The following NCR1 variants were observed in gnomAD, a reference collection of about 807,000 sequenced individuals.
NCR1 encodes natural cytotoxicity triggering receptor 1.
NCR1 carries 30 observed loss-of-function variants against 32.5 expected under a neutral mutation model. The observed-to-expected ratio is 0.92, with a 90% CI of 0.69 to 1.25. The LOEUF (loss-of-function observed/expected upper bound fraction) is 1.25. NCR1 is among the 50% of genes most tolerant of loss of function. The pLI is 0.00. For synonymous variants in NCR1, 169 were observed against 143.4 expected (o/e 1.18, Z -1.28); for missense variants, 369 against 380.7 (o/e 0.97, Z 0.26).
chr19:54,912,386 C>T (rs543468140), intron 6 of NCR1, among the ~76,000 whole-genome samples, 168 bp downstream of exon 6: 33 of 151,542 alleles, frequency 2.2e-4, no homozygotes, highest in African/African-American at 7.5e-4. Flanking sequence ...CATCTGAGGT[C>T]GGGAGTTCAA....
the NCR1 span, chr19:54,938,189 G>T: frequency 6.2e-7 from 1 of 1,614,082 alleles, no homozygotes; most frequent in East Asian, 2.2e-5. Flanking sequence ...GTCCAGAGGC[G>T]AAGAGAGCGA....
chr19:54,918,162 G>C (rs530714467), downstream of NCR1, among the ~76,000 whole-genome samples: 74 of 152,010 alleles, frequency 4.9e-4, no homozygotes, highest in South Asian at 0.013. Flanking sequence ...GTCTCGATCT[G>C]ACCTCGTGAT....
the NCR1 span, among the ~76,000 whole-genome samples, chr19:54,934,830 C>A: frequency 6.6e-6 from 1 of 152,072 alleles, no homozygotes; most frequent in Admixed American, 6.6e-5. The surrounding 1 kb of genome is among the most constrained non-coding windows in gnomAD (Gnocchi z 6.7). Context: ...CTGCCTCAGC[C>A]TCCGAAGTAG....
At chr19:54,931,341 AAGATC>A in the NCR1 span, among the ~76,000 whole-genome samples, 2 of 151,702 alleles carry the variant, frequency 1.3e-5, no homozygotes, top group African/African-American at 4.8e-5. Flanking sequence ...GGTGAATCAC[AAGATC>A]AGGAGTTCAA....
rs201331285 is a variant in NCR1, at chr19:54,906,791, G to A, written c.339G>A (p.Leu113=). 23 of 1,614,170 alleles carry A rather than the reference G, an allele frequency of 1.4e-5. No individual in the cohort carries two copies. The Middle Eastern group carries it at 6.6e-4, about 46-fold the overall frequency. ...GELWSEPSNL[L]DLVVTEMYDT... Reference sequence around the variant, plus strand: ...TCTGGTCAGAGCCCAGCAACTTGCTGGATCTGGTGGTAACAGGTAACTGTC... The same window carrying A: ...TCTGGTCAGAGCCCAGCAACTTGCTAGATCTGGTGGTAACAGGTAACTGTC... The change falls in exon 3 of 7, where the codon CTG becomes CTA. Residue 113 remains leucine (L), a synonymous_variant. Coordinates refer to ENST00000291890, the MANE Select transcript of NCR1 (RefSeq NM_004829.7).
At position 54,906,800 on chromosome 19, in the gene NCR1, G is replaced by A. The variant is rs1027474558; in HGVS notation, c.348G>A (p.Val116=). ...AGCCCAGCAACTTGCTGGATCTGGT[G>A]GTAACAGGTAACTGTCCGGTTCTCT... is the stretch of plus-strand genomic sequence containing the variant. ...WSEPSNLLDL[V]VTEMYDTPTL... is the part of the protein sequence containing the mutation. Residue 116 remains valine (V), a synonymous_variant, in exon 3 of 7, where the codon GTG becomes GTA. Coordinates refer to ENST00000291890, the MANE Select transcript of NCR1 (RefSeq NM_004829.7). 1.2e-6 allele frequency: 2 copies of A among 1,614,000 alleles called. No homozygotes were observed. Among genetic ancestry groups the A allele is most frequent in the Admixed American group, 3.3e-5 (2 of 60,016 alleles).
chr19:54,921,160 A>G, the NCR1 span, among the ~76,000 whole-genome samples: 1 of 152,134 alleles, frequency 6.6e-6, no homozygotes, highest in Non-Finnish European at 1.5e-5. Context: ...CTACACGGGA[A>G]CTTCATGTGC....
At chr19:54,902,187 A>G (rs927888077), upstream of NCR1, among the ~76,000 whole-genome samples, 4 of 152,206 alleles carry the variant, frequency 2.6e-5, no homozygotes, top group African/African-American at 4.8e-5. Flanking sequence ...TTAGGGCATC[A>G]TATGCAAATT....
the NCR1 span, among the ~76,000 whole-genome samples, chr19:54,930,094 A>C: frequency 7.0e-6 from 1 of 143,120 alleles, no homozygotes; most frequent in South Asian, 2.3e-4. Flanking sequence ...CAGCCTGGGC[A>C]ACTAGAACGA....
the NCR1 span, among the ~76,000 whole-genome samples, chr19:54,899,050 G>T: frequency 2.6e-5 from 4 of 152,112 alleles, no homozygotes; most frequent in Admixed American, 6.6e-5. Context: ...TGGGACTGAC[G>T]GGACAGGCGG....
downstream of NCR1, among the ~76,000 whole-genome samples, chr19:54,916,935 C>A (rs2068148736): frequency 1.3e-5 from 2 of 151,956 alleles, no homozygotes; most frequent in South Asian, 4.2e-4. Flanking sequence ...CTGTGCTCCC[C>A]ACCCGCTAGA....
At chr19:54,901,304 A>T (rs77046104), upstream of NCR1, among the ~76,000 whole-genome samples, 2 of 141,792 alleles carry the variant, frequency 1.4e-5, no homozygotes, top group Admixed American at 7.2e-5. Flanking sequence ...GAGCTTGCAG[A>T]GAGCCGAGAT....
Position 54,909,438 on chromosome 19 carries a change from C to T in NCR1, c.549C>T (p.Ala183=). 1 of 1,613,404 alleles carries T rather than the reference C, an allele frequency of 6.2e-7. No individual in the cohort carries two copies. Among genetic ancestry groups the T allele is most frequent in the Non-Finnish European group, 8.5e-7 (1 of 1,180,024 alleles). The change falls in exon 4 of 7, where the codon GCC becomes GCT. Residue 183 remains alanine, a synonymous_variant. Transcript: ENST00000291890. ...AEFPLGPVTT[A]HRGTYRCFGS... is the part of the protein sequence containing the mutation. ...TCCCCCTGGGCCCTGTGACCACAGC[C>T]CACAGAGGGACATACCGATGTTTTG... is the stretch of plus-strand genomic sequence containing the variant.
chr19:54,903,677 A>G (rs1287721694), upstream of NCR1, among the ~76,000 whole-genome samples: 4 of 134,040 alleles, frequency 3.0e-5, no homozygotes, highest in African/African-American at 1.1e-4. Context: ...ACATATATGT[A>G]TAAATGTATA....
At position 54,906,324 on chromosome 19, in the gene NCR1, C is replaced by G; in HGVS notation, c.60C>G (p.Ser20Arg). The change falls in exon 2 of 7, where the codon AGC (serine) becomes AGG (arginine). Residue 20 changes from serine (S) to arginine (R), a missense_variant. Coordinates refer to ENST00000291890, the MANE Select transcript of NCR1 (RefSeq NM_004829.7). Reference protein sequence around the residue: ...CVGLCLSQRISAQQQTLPKPF... With the variant: ...CVGLCLSQRIRAQQQTLPKPF... The stretch of plus-strand genomic sequence containing the variant: ...GGCTGTGTCTGAGTCAGAGGATCAG[C>G]GCCCAGCAGCGTGAGTCCTTCCTTC... 6.2e-7 allele frequency: 1 copy of G among 1,613,816 alleles called. No individual in the cohort carries two copies. Among genetic ancestry groups the G allele is most frequent in the Non-Finnish European group, 8.5e-7 (1 of 1,180,028 alleles).
chr19:54,931,844 T>TA, the NCR1 span, among the ~76,000 whole-genome samples: 3,581 of 108,318 alleles, frequency 0.033, 74 homozygotes, highest in African/African-American at 0.083. Context: ...GAGAGACTGT[T>TA]AAAAAAAAAA....
intron 5 of NCR1, among the ~76,000 whole-genome samples, chr19:54,911,229 G>T (rs587745608): frequency 6.6e-6 from 1 of 151,700 alleles, no homozygotes; most frequent in East Asian, 2.0e-4. Flanking sequence ...GGCGCCTGTA[G>T]TCCCAGCTAC....
the NCR1 span, among the ~76,000 whole-genome samples, chr19:54,898,632 TGAGAATA>T: frequency 2.0e-5 from 3 of 152,132 alleles, no homozygotes; most frequent in African/African-American, 7.2e-5. Context: ...AAATGTATAT[TGAGAATA>T]AGACGGCCTT....
chr19:54,899,938 C>A, the NCR1 span, among the ~76,000 whole-genome samples: 2 of 152,044 alleles, frequency 1.3e-5, no homozygotes, highest in African/African-American at 4.8e-5. Flanking sequence ...AGGAAAGGAA[C>A]TGAAATTAAG....
Sources: gnomAD v4.1 joint callset for allele counts (sites outside exome capture counted in the v4.1 genomes callset) on GRCh38, gnomAD v4.1.1 for gene constraint, Gnocchi (gnomAD v3.1) non-coding constraint, MANE v1.5 for transcripts, NCBI Gene and HGNC (gene_info 2026-07-23, HGNC 2026-07-21) for gene names.